EXOC1: variants seen among roughly 807,000 people sequenced by gnomAD.
EXOC1 encodes exocyst complex component 1.
A neutral mutation model predicts 107.7 loss-of-function variants in EXOC1; 67 were observed. The observed-to-expected ratio is 0.62, with a 90% CI of 0.51 to 0.76. The LOEUF is 0.76. Among genes scored for constraint, EXOC1 ranks in the 30% least tolerant of loss-of-function variants. EXOC1 has a pLI of 0.00. For synonymous variants in EXOC1, 348 were observed against 353.5 expected (o/e 0.98, Z 0.17); for missense variants, 833 against 1,055.7 (o/e 0.79, Z 2.92).
chr4:55,895,952 T>A (rs546740623), intron 15 of EXOC1, among the ~76,000 whole-genome samples: 7 of 152,316 alleles, frequency 4.6e-5, no homozygotes, highest in African/African-American at 1.4e-4. Context: ...TGGAAATGAC[T>A]GTGGTTCTCA....
intron 1 of EXOC1, among the ~76,000 whole-genome samples, chr4:55,855,050 A>G (rs970436270): frequency 6.6e-6 from 1 of 152,250 alleles, no homozygotes; most frequent in African/African-American, 2.4e-5. Flanking sequence ...TAGGGCGGAG[A>G]TGATATTCCT....
chr4:55,876,173 A>G, intron 8 of EXOC1: 1 of 985,402 alleles, frequency 1.0e-6, no homozygotes. Context: ...CCTTACAGAA[A>G]AGATATGGTA....
chr4:55,902,539 G>T lies in EXOC1; in HGVS notation c.2532+1G>T, dbSNP rs1726078341. On this transcript the variant is annotated splice_donor_variant, in intron 18 of 18. Coordinates refer to ENST00000381295, the MANE Select transcript of EXOC1 (RefSeq NM_001024924.2). LOFTEE classifies it high-confidence loss of function. ...ATGTGAAGAAGAGAACTTACTTCAGGTATGCTTACTTCTTTTGACCATCTG... is the reference window on the plus strand; with the variant it reads ...ATGTGAAGAAGAGAACTTACTTCAGTTATGCTTACTTCTTTTGACCATCTG... The T allele has an allele frequency of 6.8e-7, 1 of 1,474,918 alleles. No homozygotes were observed. Among genetic ancestry groups the T allele is most frequent in the Admixed American group, 2.6e-5 (1 of 37,764 alleles). The allele number at this position is 1,474,918 out of a possible 1,614,324, so 91.4% of individuals were successfully genotyped here.
intron 4 of EXOC1, 58 bp downstream of exon 4, chr4:55,864,444 A>G (rs1357948075): frequency 7.4e-7 from 1 of 1,358,192 alleles, no homozygotes; most frequent in Non-Finnish European, 1.0e-6. Flanking sequence ...TGAATATATA[A>G]TTTGACATCA....
intron 1 of EXOC1, among the ~76,000 whole-genome samples, chr4:55,856,810 AAC>A (rs1280010738): frequency 1.3e-5 from 2 of 152,238 alleles, no homozygotes; most frequent in Admixed American, 6.5e-5. Flanking sequence ...CTATTTTTAT[AAC>A]AGTTTTATTG....
chr4:55,871,982 C>A, intron 8 of EXOC1, 24 bp downstream of exon 8: 1 of 1,591,990 alleles, frequency 6.3e-7, no homozygotes, highest in Non-Finnish European at 8.6e-7. Context: ...ATTATTAAAA[C>A]GAGCATGTTC....
chr4:55,897,306 A>T (rs1410293145), intron 16 of EXOC1, among the ~76,000 whole-genome samples: 1 of 151,922 alleles, frequency 6.6e-6, no homozygotes, highest in South Asian at 2.1e-4. Context: ...TTTTGTAGAA[A>T]ATCATTTTTT....
chr4:55,902,925 C>T (rs1347970540), intron 18 of EXOC1, among the ~76,000 whole-genome samples: 1 of 151,770 alleles, frequency 6.6e-6, no homozygotes, highest in African/African-American at 2.4e-5. Context: ...GGAAACGATA[C>T]ATCTCTTGTA....
intron 18 of EXOC1, 51 bp downstream of exon 18, chr4:55,902,589 C>T: frequency 7.4e-7 from 1 of 1,354,674 alleles, no homozygotes; most frequent in South Asian, 2.0e-5. Flanking sequence ...ACATATATTG[C>T]TTTTCTTTAA....
At chr4:55,867,276 T>C (rs1211027041) in intron 4 of EXOC1, among the ~76,000 whole-genome samples, 1 of 152,218 alleles carries the variant, frequency 6.6e-6, no homozygotes, top group Non-Finnish European at 1.5e-5. Flanking sequence ...AGAACTTATA[T>C]ACTAAAATCT....
chr4:55,892,671 C>T lies in EXOC1; in HGVS notation c.1684C>T (p.Arg562Trp), dbSNP rs758394920. 10 of 1,613,904 alleles carry T rather than the reference C, an allele frequency of 6.2e-6. No homozygotes were observed. The highest frequency in any genetic ancestry group is 8.5e-6 in the Non-Finnish European group (10 of 1,179,970). The change falls in exon 14 of 19, where the codon CGG (arginine) becomes TGG (tryptophan). Residue 562 changes from arginine (R) to tryptophan (W), a missense_variant. Physicochemically the swap from Arg to Trp is moderately radical, Grantham distance 101. This residue lies in a region of EXOC1 where 617 missense variants were observed against 701.3 expected (regional missense o/e 0.88). Coordinates refer to ENST00000381295, the MANE Select transcript of EXOC1 (RefSeq NM_001024924.2). ...AEDLDGGTLS[R>W]QHNCGTPLPV... is the part of the protein sequence containing the mutation. ...GGACCTGGATGGAGGAACATTATCA[C>T]GGCAACATAATTGTGGCACACCACT...
At chr4:55,883,089 T>G (rs1324617571) in intron 9 of EXOC1, 1 of 152,126 alleles carries the variant, frequency 6.6e-6, no homozygotes, top group East Asian at 1.9e-4. Context: ...AAGCGAGAAT[T>G]AATCAAATCT....
At chr4:55,871,989 G>A (rs1368586620) in intron 8 of EXOC1, 31 bp downstream of exon 8, 3 of 1,579,876 alleles carry the variant, frequency 1.9e-6, no homozygotes, top group Admixed American at 1.7e-5. Context: ...AAACGAGCAT[G>A]TTCCTATAGC....
chr4:55,882,543 G>T (rs1296558648), intron 9 of EXOC1, among the ~76,000 whole-genome samples: 1 of 152,110 alleles, frequency 6.6e-6, no homozygotes, highest in Non-Finnish European at 1.5e-5. Context: ...AAGATCATGG[G>T]AAATAATTGC....
At chr4:55,892,363 C>CTGTA (rs1724661766) in intron 13 of EXOC1, among the ~76,000 whole-genome samples, 1 of 152,210 alleles carries the variant, frequency 6.6e-6, no homozygotes, top group South Asian at 2.1e-4. Flanking sequence ...GTTCAGCTTC[C>CTGTA]TGTACCTCCC....
At chr4:55,870,631 T>C (rs1019009183) in intron 5 of EXOC1, 47 bp from the exon 6 acceptor site, 1 of 1,405,958 alleles carries the variant, frequency 7.1e-7, no homozygotes, top group Non-Finnish European at 9.9e-7. Flanking sequence ...GTATGTTTTT[T>C]GTTTGTTTGT....
chr4:55,882,798 A>C (rs1450493121), intron 9 of EXOC1: 9 of 152,200 alleles, frequency 5.9e-5, no homozygotes, highest in Admixed American at 5.9e-4. Flanking sequence ...ATGTTCTAAA[A>C]ATTGACACAT....
At chr4:55,890,454 C>G in intron 12 of EXOC1, 68 bp downstream of exon 12, 1 of 1,404,798 alleles carries the variant, frequency 7.1e-7, no homozygotes, top group Non-Finnish European at 9.8e-7. Context: ...TGTGGTTGCT[C>G]TAAGTGTGTT....
At chr4:55,858,510 T>C (rs1426559242) in intron 2 of EXOC1, 63 bp downstream of exon 2, 1 of 1,460,008 alleles carries the variant, frequency 6.8e-7, no homozygotes, top group Non-Finnish European at 9.1e-7. Context: ...AGATATTTCC[T>C]CTTTGTTTTG....
Sources: gnomAD v4.1 joint callset for allele counts (sites outside exome capture counted in the v4.1 genomes callset) on GRCh38, gnomAD v4.1.1 for gene constraint, gnomAD v4.1.1 regional missense constraint, MANE v1.5 for transcripts, NCBI Gene and HGNC (gene_info 2026-07-23, HGNC 2026-07-21) for gene names.